The following PLCL1 variants were observed in gnomAD, a reference collection of about 807,000 sequenced individuals.
The protein encoded by PLCL1 is inactive phospholipase C-like protein 1.
Under a neutral mutation model 84.4 loss-of-function variants are expected in PLCL1, and 41 were observed. The observed-to-expected ratio is 0.49, with a 90% CI of 0.38 to 0.63. The LOEUF (loss-of-function observed/expected upper bound fraction) is 0.63, where lower values mean the gene tolerates loss of function less well. Among genes scored for constraint, PLCL1 ranks in the 30% least tolerant of loss-of-function variants. PLCL1 has a pLI of 0.00. For missense variants in PLCL1, 1,206 were observed against 1,367.8 expected (o/e 0.88, Z 1.87); for synonymous variants, 490 against 488.3 (o/e 1.00, Z -0.05).
At chr2:197,952,342 T>C (rs1314975822) in intron 1 of PLCL1, among the ~76,000 whole-genome samples, 1 of 152,174 alleles carries the variant, frequency 6.6e-6, no homozygotes, top group Non-Finnish European at 1.5e-5. Flanking sequence ...TGTGATAACC[T>C]GCTCTGTGCT....
intron 1 of PLCL1, among the ~76,000 whole-genome samples, chr2:197,950,829 T>G (rs1689376502): frequency 1.3e-5 from 2 of 152,204 alleles, no homozygotes; most frequent in African/African-American, 4.8e-5. Flanking sequence ...AGCAGTTGCC[T>G]AATATTCTCC....
At chr2:198,021,092 A>T (rs1036268001) in intron 1 of PLCL1, among the ~76,000 whole-genome samples, 3 of 152,206 alleles carry the variant, frequency 2.0e-5, no homozygotes, top group African/African-American at 7.2e-5. Context: ...GGATTCAGAA[A>T]CTCACTCAAA....
chr2:197,933,733 T>A (rs1175513091), intron 1 of PLCL1, among the ~76,000 whole-genome samples: 4 of 152,074 alleles, frequency 2.6e-5, no homozygotes, highest in African/African-American at 9.7e-5. Flanking sequence ...GGGAAGAAGG[T>A]TCTTGATGTG....
At chr2:198,082,337 G>A (rs1467406073) in intron 1 of PLCL1, among the ~76,000 whole-genome samples, 6 of 152,040 alleles carry the variant, frequency 3.9e-5, no homozygotes, top group Non-Finnish European at 7.4e-5. Flanking sequence ...CCAGCTACTC[G>A]GGAGGCTGAG....
intron 5 of PLCL1, among the ~76,000 whole-genome samples, chr2:198,123,964 C>A (rs374143790): frequency 1.3e-5 from 2 of 152,028 alleles, no homozygotes; most frequent in African/African-American, 4.8e-5. Flanking sequence ...AGGTTGGGGA[C>A]CCTGGCTTAA....
chr2:198,002,672 A>T (rs1395766930), intron 1 of PLCL1, among the ~76,000 whole-genome samples: 1 of 152,194 alleles, frequency 6.6e-6, no homozygotes, highest in African/African-American at 2.4e-5. Context: ...ACTCAGAAAA[A>T]GCTAAACAGT....
chr2:197,849,416 C>CT (rs1286944904), intron 1 of PLCL1, among the ~76,000 whole-genome samples: 14 of 151,700 alleles, frequency 9.2e-5, no homozygotes, highest in African/African-American at 2.7e-4. Flanking sequence ...AGAAAAAAGG[C>CT]TTTTTTGTGT....
At chr2:197,986,879 A>T (rs985079973) in intron 1 of PLCL1, among the ~76,000 whole-genome samples, 2 of 152,196 alleles carry the variant, frequency 1.3e-5, no homozygotes, top group African/African-American at 4.8e-5. Context: ...TTCAAATAAC[A>T]TAATCACCTT....
At chr2:197,823,788 T>C (rs2308206) in intron 1 of PLCL1, among the ~76,000 whole-genome samples, 2 of 37,492 alleles carry the variant, frequency 5.3e-5, no homozygotes, top group African/African-American at 4.2e-4. Flanking sequence ...TTTGAGTTGA[T>C]ATAGTAAGTA....
intron 1 of PLCL1, among the ~76,000 whole-genome samples, chr2:198,014,896 C>T (rs1690957775): frequency 6.6e-6 from 1 of 151,992 alleles, no homozygotes; most frequent in Non-Finnish European, 1.5e-5. Context: ...AAAACGTAGG[C>T]TTATTACAGG....
chr2:197,857,065 A>T (rs1687342329), intron 1 of PLCL1, among the ~76,000 whole-genome samples: 1 of 152,126 alleles, frequency 6.6e-6, no homozygotes. Flanking sequence ...TGATATGTGC[A>T]TCAAACCACT....
chr2:198,042,658 C>A (rs183803457), intron 1 of PLCL1, among the ~76,000 whole-genome samples: 5 of 152,106 alleles, frequency 3.3e-5, no homozygotes, highest in Non-Finnish European at 7.4e-5. Context: ...ATGGTAAAGA[C>A]GAGTTCTGTC....
intron 1 of PLCL1, among the ~76,000 whole-genome samples, chr2:198,032,138 A>G (rs143312346): frequency 1.3e-3 from 198 of 152,312 alleles, no homozygotes; most frequent in African/African-American, 4.4e-3. Flanking sequence ...GTTTAATCAC[A>G]TGTCTCTCAA....
At chr2:197,840,138 G>A (rs1686966453) in intron 1 of PLCL1, among the ~76,000 whole-genome samples, 1 of 152,076 alleles carries the variant, frequency 6.6e-6, no homozygotes, top group African/African-American at 2.4e-5. Context: ...AAATGAAATA[G>A]TTGGCTAGAG....
At chr2:197,866,131 A>AG in intron 1 of PLCL1, among the ~76,000 whole-genome samples, 1 of 14,562 alleles carries the variant, frequency 6.9e-5, no homozygotes, top group Admixed American at 5.5e-4. Context: ...TAAACTATAT[A>AG]TATATATAAA....
Position 198,101,342 on chromosome 2 carries a change from G to A in PLCL1, c.2977G>A (p.Val993Ile). The change falls in exon 4 of 6, where the codon GTA (valine) becomes ATA (isoleucine). Residue 993 changes from valine to isoleucine, a missense_variant. Coordinates refer to ENST00000428675, the MANE Select transcript of PLCL1 (RefSeq NM_006226.4). ...GGCGGACACAGTCCAGGAAAAGATT[G>A]TACAGTGTCAGAAAGCAGGTAATTG... Reference protein sequence around the residue: ...EMADTVQEKIVQCQKAGMEFH... With the variant: ...EMADTVQEKIIQCQKAGMEFH... 1 of 1,573,088 alleles carries A rather than the reference G, an allele frequency of 6.4e-7. No homozygotes were observed. The highest frequency in any genetic ancestry group is 8.7e-7 in the Non-Finnish European group (1 of 1,149,012).
intron 5 of PLCL1, among the ~76,000 whole-genome samples, chr2:198,113,187 C>T (rs1335875792): frequency 1.3e-5 from 2 of 151,908 alleles, no homozygotes; most frequent in Non-Finnish European, 1.5e-5. Context: ...AGACCCTTCT[C>T]TCCCACCTCA....
chr2:198,143,895 ATTT>A lies in PLCL1; in HGVS notation c.3106-2875_3106-2873del, dbSNP rs5837583. On this transcript the variant is annotated intron_variant, in intron 5 of 5. Transcript: ENST00000428675. Reference sequence around the variant, plus strand: ...TCTTTTATTAGTTAATAGTTTACCTATTTTTTTTTTTTCTTGCCTATATGGTAC... The same window carrying A: ...TCTTTTATTAGTTAATAGTTTACCTATTTTTTTTTCTTGCCTATATGGTAC... 2.8e-3 allele frequency among the ~76,000 whole-genome samples: 419 copies of A among 150,596 alleles called. 7 individuals are homozygous for A. Among genetic ancestry groups the A allele is most frequent in the African/African-American group, 9.8e-3 (402 of 41,010 alleles).
intron 1 of PLCL1, among the ~76,000 whole-genome samples, chr2:197,938,271 C>T (rs1689087187): frequency 6.6e-6 from 1 of 152,184 alleles, no homozygotes; most frequent in Non-Finnish European, 1.5e-5. Flanking sequence ...ACATCCACCT[C>T]CATTGTCATA....
Sources: allele counts gnomAD v4.1 joint callset (sites outside exome capture counted in the v4.1 genomes callset), GRCh38; gene constraint gnomAD v4.1.1; transcripts MANE v1.5; gene names NCBI Gene and HGNC (gene_info 2026-07-23, HGNC 2026-07-21).